YEATS4: variants seen among roughly 807,000 people sequenced by gnomAD.
YEATS4 encodes YEATS domain-containing protein 4.
In YEATS4, 17 loss-of-function variants were observed where a neutral mutation model predicts 30.1. That is an observed-to-expected ratio of 0.56 (90% CI 0.39 to 0.85). The LOEUF is 0.85. Ranked by LOEUF, YEATS4 falls within the 40% of genes least tolerant of loss-of-function variation. YEATS4 has a pLI of 0.00. For synonymous variants in YEATS4, 85 were observed against 87.5 expected (o/e 0.97, Z 0.16); for missense variants, 142 against 268.3 (o/e 0.53, Z 3.29).
chr12:69,371,257 T>C (rs1565676992), intron 6 of YEATS4, among the ~76,000 whole-genome samples: 1 of 152,248 alleles, frequency 6.6e-6, no homozygotes, highest in African/African-American at 2.4e-5. Flanking sequence ...TTTTTATTAG[T>C]CTTGCTTAGC....
At chr12:69,388,730 C>T (rs188510705) in intron 6 of YEATS4, among the ~76,000 whole-genome samples, 181 of 152,326 alleles carry the variant, frequency 1.2e-3, no homozygotes, top group African/African-American at 3.7e-3. Context: ...TCTCTTTTCT[C>T]ATAACAATAG....
the YEATS4 span, among the ~76,000 whole-genome samples, chr12:69,414,187 C>T: frequency 3.9e-5 from 6 of 152,112 alleles, no homozygotes; most frequent in African/African-American, 1.2e-4. Flanking sequence ...ATCTAAGCAA[C>T]GATTGCATGT....
At chr12:69,407,873 C>T in the YEATS4 span, among the ~76,000 whole-genome samples, 4 of 152,006 alleles carry the variant, frequency 2.6e-5, no homozygotes, top group South Asian at 2.1e-4. Context: ...TGTGCCACCA[C>T]GCCTGGCTGA....
the YEATS4 span, among the ~76,000 whole-genome samples, chr12:69,420,184 A>C: frequency 1.3e-5 from 2 of 152,248 alleles, no homozygotes; most frequent in East Asian, 1.9e-4. Context: ...AGAGAGCAGG[A>C]GAAAGACATT....
chr12:69,377,721 T>A (rs773424901), intron 6 of YEATS4, among the ~76,000 whole-genome samples: 25 of 151,866 alleles, frequency 1.6e-4, no homozygotes, highest in Middle Eastern at 3.4e-3. Flanking sequence ...CTTGCTTTTT[T>A]AAAAAAAAAT....
downstream of YEATS4, among the ~76,000 whole-genome samples, chr12:69,394,245 A>G (rs1054225133): frequency 6.6e-6 from 1 of 152,244 alleles, no homozygotes; most frequent in African/African-American, 2.4e-5. Flanking sequence ...ACAACTGCAC[A>G]AATTGTATTA....
intron 6 of YEATS4, among the ~76,000 whole-genome samples, chr12:69,385,756 A>C (rs1036313144): frequency 2.0e-5 from 3 of 152,240 alleles, no homozygotes; most frequent in Non-Finnish European, 4.4e-5. Flanking sequence ...AATAGTAAAA[A>C]TGATAGTGAA....
chr12:69,374,645 G>A (rs1000604690), intron 6 of YEATS4, among the ~76,000 whole-genome samples: 37 of 135,030 alleles, frequency 2.7e-4, no homozygotes, highest in Admixed American at 9.8e-4. Flanking sequence ...ATCTTGCGCC[G>A]CCCTTAATCC....
chr12:69,388,774 T>C (rs1868282200), intron 6 of YEATS4, among the ~76,000 whole-genome samples: 1 of 152,230 alleles, frequency 6.6e-6, no homozygotes, highest in East Asian at 1.9e-4. Flanking sequence ...GGCAGTATTC[T>C]GGGTACTTTA....
chr12:69,421,314 G>A, the YEATS4 span, among the ~76,000 whole-genome samples: 1 of 152,126 alleles, frequency 6.6e-6, no homozygotes, highest in East Asian at 1.9e-4. Flanking sequence ...TGAACATGAA[G>A]CCAAAATTAG....
At chr12:69,361,241 ATG>A (rs111618314) in intron 1 of YEATS4, 6,706 of 137,240 alleles carry the variant, frequency 0.049, 425 homozygotes, top group African/African-American at 0.16. Flanking sequence ...TAAAATACTT[ATG>A]TGTGTGTGTG....
chr12:69,368,809 C>G (rs1440159176), intron 4 of YEATS4, among the ~76,000 whole-genome samples: 1 of 152,196 alleles, frequency 6.6e-6, no homozygotes, highest in East Asian at 1.9e-4. Flanking sequence ...ATCTTTCTCC[C>G]TGGTCTCTGT....
At chr12:69,371,031 G>A in intron 6 of YEATS4, 56 bp downstream of exon 6, 6 of 1,533,784 alleles carry the variant, frequency 3.9e-6, no homozygotes, top group South Asian at 1.2e-5. Flanking sequence ...ATAGTGAAAG[G>A]GTTGTATGAT....
chr12:69,371,077 A>G (rs1316213479), intron 6 of YEATS4, 102 bp downstream of exon 6: 7 of 1,145,276 alleles, frequency 6.1e-6, no homozygotes, highest in Admixed American at 2.9e-5. Flanking sequence ...TGAAATAGGT[A>G]AGTTTTTTAG....
chr12:69,410,262 C>T, the YEATS4 span, among the ~76,000 whole-genome samples: 1,587 of 152,312 alleles, frequency 0.01, 33 homozygotes, highest in African/African-American at 0.036. Context: ...CCTACTCCCA[C>T]TTTCAGCTCC....
At chr12:69,411,632 G>A in the YEATS4 span, among the ~76,000 whole-genome samples, 1 of 152,234 alleles carries the variant, frequency 6.6e-6, no homozygotes, top group African/African-American at 2.4e-5. Flanking sequence ...TGGGAGTACT[G>A]GAGGGGAGTG....
chr12:69,377,744 G>T (rs1049323845), intron 6 of YEATS4, among the ~76,000 whole-genome samples: 2 of 152,122 alleles, frequency 1.3e-5, no homozygotes, highest in African/African-American at 4.8e-5. Flanking sequence ...TTTATGACTT[G>T]TTTTGTGGCC....
the YEATS4 span, among the ~76,000 whole-genome samples, chr12:69,405,669 CAG>C: frequency 6.6e-6 from 1 of 152,200 alleles, no homozygotes; most frequent in Non-Finnish European, 1.5e-5. Flanking sequence ...GTAATGCAGA[CAG>C]CGTGGATCTG....
At position 69,370,786 on chromosome 12, in the gene YEATS4, C is replaced by T; in HGVS notation, c.414C>T (p.Phe138=). The T allele has an allele frequency of 6.3e-7, 1 of 1,597,690 alleles. No homozygotes were observed. The stretch of plus-strand genomic sequence containing the variant: ...GGAAAAAGACAGTGGTTTCAGAGTT[C>T]TATGATGAAATGGTAAGAAGATTTT... The part of the protein sequence containing the change: ...MLGKKTVVSE[F]YDEMIFQDPT... The change falls in exon 5 of 7, where the codon TTC becomes TTT. Residue 138 remains phenylalanine, a synonymous_variant. Coordinates refer to ENST00000247843, the MANE Select transcript of YEATS4 (RefSeq NM_006530.4).
Sources: gnomAD v4.1 joint callset for allele counts (sites outside exome capture counted in the v4.1 genomes callset) on GRCh38, gnomAD v4.1.1 for gene constraint, MANE v1.5 for transcripts, NCBI Gene and HGNC (gene_info 2026-07-23, HGNC 2026-07-21) for gene names.